The following RYR2 variants were observed in gnomAD, a reference collection of about 807,000 sequenced individuals.
RYR2 encodes ryanodine receptor 2, also known as cardiac muscle ryanodine receptor-calcium release channel.
RYR2 carries 227 observed loss-of-function variants against 601.1 expected under a neutral mutation model. The observed-to-expected ratio is 0.38, with a 90% CI of 0.34 to 0.42. The LOEUF (loss-of-function observed/expected upper bound fraction) is 0.42. Ranked by LOEUF, RYR2 falls within the 10% of genes least tolerant of loss-of-function variation. The pLI is 1.00. For synonymous variants in RYR2, 2,223 were observed against 2,175.1 expected (o/e 1.02, Z -0.61); for missense variants, 4,646 against 6,156.5 (o/e 0.75, Z 8.21).
chr1:237,823,104 G>C (rs569386471), intron 101 of RYR2, among the ~76,000 whole-genome samples: 1 of 152,266 alleles, frequency 6.6e-6, no homozygotes, highest in East Asian at 1.9e-4. Context: ...ACACCACACT[G>C]TCAATATTAG....
chr1:237,830,482 T>G, intron 102 of RYR2, 48 bp from the exon 103 acceptor site: 2 of 1,153,572 alleles, frequency 1.7e-6, no homozygotes, highest in Non-Finnish European at 2.6e-6. Flanking sequence ...GTTTTCCTTT[T>G]GTTTTGCTTT....
chr1:237,345,472 AAT>A (rs370753134), intron 3 of RYR2, among the ~76,000 whole-genome samples: 1 of 150,948 alleles, frequency 6.6e-6, no homozygotes, highest in African/African-American at 2.4e-5. Flanking sequence ...AAAAATAAAA[AAT>A]AAAAAATAAA....
At chr1:237,491,976 T>G in intron 18 of RYR2, 52 bp downstream of exon 18, 1 of 787,140 alleles carries the variant, frequency 1.3e-6, no homozygotes, top group South Asian at 1.6e-5. Flanking sequence ...CTTTTAGATA[T>G]ATTTTTAAAT....
Position 237,134,119 on chromosome 1 carries a change from A to G in RYR2, c.48+91550A>G, listed in dbSNP as rs181811232. 2.8e-3 allele frequency among the ~76,000 whole-genome samples: 430 copies of G among 152,190 alleles called. 6 individuals are homozygous for G. The highest frequency in any genetic ancestry group is 1.0e-2 in the African/African-American group (414 of 41,520). ...CTGATCCAGCACTTGTGATACTTGGAGGACATTGGGCAGCTTCTGAGACAC... is the reference window on the plus strand; with the variant it reads ...CTGATCCAGCACTTGTGATACTTGGGGGACATTGGGCAGCTTCTGAGACAC... On this transcript the variant is annotated intron_variant, in intron 1 of 104. Coordinates refer to ENST00000366574, the MANE Select transcript of RYR2 (RefSeq NM_001035.3).
intron 22 of RYR2, among the ~76,000 whole-genome samples, chr1:237,505,857 T>C (rs1406714661): frequency 2.0e-5 from 3 of 152,216 alleles, no homozygotes; most frequent in Non-Finnish European, 4.4e-5. Context: ...TTTATGAACA[T>C]TCAATTTCTT....
At position 237,429,925 on chromosome 1, in the gene RYR2, A is replaced by G. The variant is rs149579944; in HGVS notation, c.1005+6677A>G. Reference sequence around the variant, plus strand: ...ACACATTTGCAATAAAGATTATTCTATATCTATAATATTAAATGGTATTAG... The same window carrying G: ...ACACATTTGCAATAAAGATTATTCTGTATCTATAATATTAAATGGTATTAG... On this transcript the variant is annotated intron_variant, in intron 12 of 104. Transcript: ENST00000366574. Among the ~76,000 whole-genome samples, 5 of 152,128 alleles carry G rather than the reference A, an allele frequency of 3.3e-5. No homozygotes were observed. In the East Asian group the frequency reaches 9.6e-4, roughly 29 times the overall value.
intron 1 of RYR2, among the ~76,000 whole-genome samples, chr1:237,114,540 A>T (rs910178463): frequency 4.6e-5 from 7 of 152,226 alleles, no homozygotes; most frequent in Admixed American, 4.6e-4. Flanking sequence ...AGAAGCTTGG[A>T]AATACTTCGA....
At chr1:237,458,008 T>C (rs2150236187) in intron 16 of RYR2, among the ~76,000 whole-genome samples, 1 of 152,256 alleles carries the variant, frequency 6.6e-6, no homozygotes, top group South Asian at 2.1e-4. Context: ...CCCTACCCCC[T>C]TACTTGAGCC....
chr1:237,233,586 A>C (rs1224265780), intron 1 of RYR2, among the ~76,000 whole-genome samples: 3 of 152,130 alleles, frequency 2.0e-5, no homozygotes, highest in Non-Finnish European at 4.4e-5. Context: ...TGCATGTTAC[A>C]TGGCTAGAAC....
chr1:237,674,611 T>TTA (rs746512498), intron 59 of RYR2, 120 bp from the exon 60 acceptor site: 4 of 479,772 alleles, frequency 8.3e-6, no homozygotes, highest in African/African-American at 4.0e-5. Flanking sequence ...ACTTCAAAAT[T>TTA]TATATATATA....
rs189704411 is a variant in RYR2 at position 237,265,414 on chromosome 1, C to T, written c.49-5083C>T. 7.2e-5 allele frequency among the ~76,000 whole-genome samples: 11 copies of T among 152,078 alleles called. No individual in the cohort carries two copies. The East Asian group carries it at 1.2e-3, about 16-fold the overall frequency. On this transcript the variant is annotated intron_variant, in intron 1 of 104. Transcript: ENST00000366574. ...TCGGATCACTGCAACCTCTGCCTCC[C>T]GGGTTCAAGAGATTCTCCTGCCTCA...
intron 25 of RYR2, among the ~76,000 whole-genome samples, chr1:237,532,721 A>G (rs1040463826): frequency 6.6e-6 from 1 of 152,300 alleles, no homozygotes; most frequent in East Asian, 1.9e-4. Flanking sequence ...AATCAATTGT[A>G]TCAAATGCTA....
At chr1:237,449,996 T>G (rs1049589084) in intron 14 of RYR2, among the ~76,000 whole-genome samples, 2 of 152,122 alleles carry the variant, frequency 1.3e-5, no homozygotes, top group Non-Finnish European at 2.9e-5. Flanking sequence ...GGAAGAGCAG[T>G]GTTTACTCTG....
chr1:237,594,770 C>T (rs553917757), intron 33 of RYR2, among the ~76,000 whole-genome samples: 143 of 151,406 alleles, frequency 9.4e-4, no homozygotes, highest in Non-Finnish European at 1.7e-3. Flanking sequence ...GTTTACTGTA[C>T]AGTGGCAAAG....
Position 237,176,437 on chromosome 1 carries a change from A to G in RYR2, c.49-94060A>G, listed in dbSNP as rs1678069966. Among the ~76,000 whole-genome samples the G allele has an allele frequency of 2.0e-5, 3 of 151,704 alleles. No individual in the cohort carries two copies. In the East Asian group the frequency reaches 5.8e-4, roughly 29 times the overall value. On this transcript the variant is annotated intron_variant, in intron 1 of 104. Transcript: ENST00000366574. ...CTTTAAAATATGCTATCATTTATAA[A>G]CATGTATGGTTCTTATGAAAATCAC...
chr1:237,362,084 C>A (rs1490669480), intron 4 of RYR2, among the ~76,000 whole-genome samples: 1 of 152,174 alleles, frequency 6.6e-6, no homozygotes, highest in Non-Finnish European at 1.5e-5. Context: ...GTTAATGTGG[C>A]ATGTGCCCCC....
chr1:237,683,045 T>C (rs1573503268), intron 62 of RYR2, among the ~76,000 whole-genome samples: 1 of 152,146 alleles, frequency 6.6e-6, no homozygotes, highest in Non-Finnish European at 1.5e-5. Context: ...TGATAAAATA[T>C]AAAATATATG....
At position 237,639,126 on chromosome 1, in the gene RYR2, T is replaced by C. The variant is rs1177415020; in HGVS notation, c.7040T>C (p.Met2347Thr). Residue 2347 changes from methionine (M) to threonine (T), a missense_variant, in exon 46 of 105, where the codon ATG becomes ACG. By Grantham distance (81) the Met-to-Thr change is moderately conservative. Around this residue, in one of 17 missense-constraint regions of RYR2, gnomAD observed 1,497 missense variants for 1,842.6 expected, o/e 0.81. Coordinates refer to ENST00000366574, the MANE Select transcript of RYR2 (RefSeq NM_001035.3). Reference sequence around the variant, plus strand: ...GGTGGGAATGGGCTTCTTGCAGCAATGGAAGAAGCCATCAAAATCGCCGAG... The same window carrying C: ...GGTGGGAATGGGCTTCTTGCAGCAACGGAAGAAGCCATCAAAATCGCCGAG... ...GEGGNGLLAA[M>T]EEAIKIAEDP... is the part of the protein sequence containing the mutation. The C allele has an allele frequency of 5.6e-6, 9 of 1,613,748 alleles. No homozygotes were observed. Among genetic ancestry groups the C allele is most frequent in the Non-Finnish European group, 7.6e-6 (9 of 1,179,866 alleles).
intron 3 of RYR2, among the ~76,000 whole-genome samples, chr1:237,333,445 C>T (rs550283144): frequency 4.6e-5 from 7 of 152,228 alleles, no homozygotes; most frequent in Admixed American, 4.6e-4. Context: ...GTTCTGGAGG[C>T]CTCTATTGTA....
Sources: allele counts gnomAD v4.1 joint callset (sites outside exome capture counted in the v4.1 genomes callset), GRCh38; gene constraint gnomAD v4.1.1; regional missense constraint gnomAD v4.1.1; transcripts MANE v1.5; gene names NCBI Gene and HGNC (gene_info 2026-07-23, HGNC 2026-07-21).